SLC2A1: variants seen among roughly 807,000 people sequenced by gnomAD.
SLC2A1 encodes solute carrier family 2 member 1.
A neutral mutation model predicts 46.6 loss-of-function variants in SLC2A1; 4 were observed. That is an observed-to-expected ratio of 0.09 (90% CI 0.04 to 0.20). The LOEUF is 0.20. Ranked by LOEUF, SLC2A1 falls within the 10% of genes least tolerant of loss-of-function variation. The pLI, the probability that SLC2A1 is intolerant of heterozygous loss-of-function variation, is 1.00. For missense variants in SLC2A1, 352 were observed against 667.0 expected, an observed-to-expected ratio of 0.53 and a Z score of 5.20; for synonymous variants, 253 against 270.0, an observed-to-expected ratio of 0.94 and a Z score of 0.62.
Position 42,929,661 on chromosome 1 carries a change from C to A in SLC2A1, c.799G>T (p.Ala267Ser), listed in dbSNP as rs199639208. 1 of 1,613,508 alleles carries A rather than the reference C, an allele frequency of 6.2e-7. No individual in the cohort carries two copies. The highest frequency in any genetic ancestry group is 1.7e-5 in the Admixed American group (1 of 60,008). ...GCGATGAGGATGGGCTGGCGGTAGG[C>A]GGGGGAGCGGAACAGCTCCAGGATG... Reference protein sequence around the residue: ...VTILELFRSPAYRQPILIAVV... With the variant: ...VTILELFRSPSYRQPILIAVV... Residue 267 changes from alanine (A) to serine (S), a missense_variant, in exon 6 of 10, where the codon GCC (alanine) becomes TCC (serine). Physicochemically the swap from Ala to Ser is moderately conservative, Grantham distance 99. Coordinates refer to ENST00000426263, the MANE Select transcript of SLC2A1 (RefSeq NM_006516.4). The surrounding 1 kb of genome is among the most constrained non-coding windows in gnomAD (Gnocchi z 6.0).
intron 2 of SLC2A1, among the ~76,000 whole-genome samples, chr1:42,940,055 C>CACTTCCTT (rs112945193): frequency 0.25 from 37,868 of 151,376 alleles, 5,116 homozygotes; most frequent in African/African-American, 0.35. Context: ...CCTCCGCCCT[C>CACTTCCTT]ACTTCCTTAT....
In SLC2A1 at chr1:42,958,766, C is replaced by CT. The variant is rs1355986319; in HGVS notation, c.-116dup. The CT allele has an allele frequency of 2.7e-6, 3 of 1,105,318 alleles. No homozygotes were observed. Among genetic ancestry groups the CT allele is most frequent in the Admixed American group, 4.3e-5 (2 of 46,510 alleles). 68.5% of individuals were successfully genotyped at this position (1,105,318 alleles called of 1,614,324 possible). A position where few individuals can be genotyped will look rare whatever the true frequency, so the allele number is the denominator to read the frequency against. On this transcript the variant is annotated 5_prime_UTR_variant, in exon 1 of 10. Transcript: ENST00000426263. ...CGGTCCGGGGACTCCCACTGCGACTCTGACTCCGACCCCCGTCGTTTGGTC... is the reference window on the plus strand; with the variant it reads ...CGGTCCGGGGACTCCCACTGCGACTCTTGACTCCGACCCCCGTCGTTTGGTC...
chr1:42,950,487 G>A (rs79608798), intron 1 of SLC2A1, among the ~76,000 whole-genome samples: 4,060 of 152,346 alleles, frequency 0.027, 97 homozygotes, highest in East Asian at 0.078. Context: ...CCTTGGCCAT[G>A]TGTGGGTGTG....
intron 1 of SLC2A1, among the ~76,000 whole-genome samples, chr1:42,957,948 G>C (rs1044884835): frequency 1.3e-5 from 2 of 152,178 alleles, no homozygotes. Context: ...AAGCTTTGGG[G>C]CCTGCACTCC....
At position 42,954,374 on chromosome 1, in the gene SLC2A1, A is replaced by G. The variant is rs1003395363; in HGVS notation, c.18+4260T>C. Among the ~76,000 whole-genome samples the G allele has an allele frequency of 6.6e-6, 1 of 152,072 alleles. No individual in the cohort carries two copies. ...TCTCTACTAAAAAAAAATACAAAAA[A>G]ATTAGCCGGGCATGGTGGCACATGC... is the stretch of plus-strand genomic sequence containing the variant. On this transcript the variant is annotated intron_variant, in intron 1 of 9. Coordinates refer to ENST00000426263, the MANE Select transcript of SLC2A1 (RefSeq NM_006516.4). This position sits in a 1 kb window ranked among gnomAD's most constrained non-coding sequence, Gnocchi z 4.2.
chr1:42,951,356 G>A (rs1216005359), intron 1 of SLC2A1, among the ~76,000 whole-genome samples: 4 of 145,262 alleles, frequency 2.8e-5, no homozygotes, highest in Middle Eastern at 3.4e-3. Flanking sequence ...GATTGTTCAG[G>A]GGGGAAAAAA....
intron 2 of SLC2A1, among the ~76,000 whole-genome samples, chr1:42,932,200 G>A (rs911572655): frequency 6.6e-5 from 10 of 152,126 alleles, no homozygotes; most frequent in Admixed American, 3.9e-4. Context: ...TATGGGGAAA[G>A]GTTCCACACA....
At chr1:42,935,213 A>G (rs1029812522) in intron 2 of SLC2A1, among the ~76,000 whole-genome samples, 2 of 152,156 alleles carry the variant, frequency 1.3e-5, no homozygotes, top group Non-Finnish European at 2.9e-5. Flanking sequence ...GACACCCACC[A>G]TGGAGACCAC....
chr1:42,929,049 G>C lies in SLC2A1; in HGVS notation c.973-16C>G, dbSNP rs748705634. ...CCACAAACAGCTGTGGGCAGAGACAGTGTCAGTGCCACCCCTGCCTAGTGC... is the reference window on the plus strand; with the variant it reads ...CCACAAACAGCTGTGGGCAGAGACACTGTCAGTGCCACCCCTGCCTAGTGC... On this transcript the variant is annotated splice_polypyrimidine_tract_variant and intron_variant, in intron 7 of 9. Coordinates refer to ENST00000426263, the MANE Select transcript of SLC2A1 (RefSeq NM_006516.4). The surrounding 1 kb of genome is among the most constrained non-coding windows in gnomAD (Gnocchi z 6.0). The C allele has an allele frequency of 3.7e-6, 6 of 1,609,606 alleles. No homozygotes were observed. Among genetic ancestry groups the C allele is most frequent in the Non-Finnish European group, 4.2e-6 (5 of 1,176,958 alleles).
Position 42,947,588 on chromosome 1 carries a change from A to C in SLC2A1, c.19-4267T>G, listed in dbSNP as rs1201337526. On this transcript the variant is annotated intron_variant, in intron 1 of 9. Coordinates refer to ENST00000426263, the MANE Select transcript of SLC2A1 (RefSeq NM_006516.4). Reference sequence around the variant, plus strand: ...ATTACACACACACACACACAAAAAAAAAAAAAAAAAAAAAAAAACAGCTGG... The same window carrying C: ...ATTACACACACACACACACAAAAAACAAAAAAAAAAAAAAAAAACAGCTGG... Among the ~76,000 whole-genome samples the C allele has an allele frequency of 2.5e-4, 31 of 124,526 alleles. 1 individual carries two copies. The highest frequency in any genetic ancestry group is 1.4e-3 in the South Asian group (5 of 3,538). 81.7% of individuals were successfully genotyped at this position (124,526 alleles called of 152,430 possible).
intron 2 of SLC2A1, 49 bp downstream of exon 2, chr1:42,943,177 G>A: frequency 1.6e-6 from 2 of 1,227,012 alleles, no homozygotes; most frequent in Non-Finnish European, 1.2e-6. Context: ...TGTGTGATGT[G>A]CAACAGAGCA....
chr1:42,935,140 C>T lies in SLC2A1; in HGVS notation c.115-3934G>A, dbSNP rs944743843. The stretch of plus-strand genomic sequence containing the variant: ...GTTCCTGGGGGGACTGCCATGGTGT[C>T]GGCCAGCCTAGAGCTGAGGGGCTAC... On this transcript the variant is annotated intron_variant, in intron 2 of 9. Coordinates refer to ENST00000426263, the MANE Select transcript of SLC2A1 (RefSeq NM_006516.4). Among the ~76,000 whole-genome samples, 3 of 152,150 alleles carry T rather than the reference C, an allele frequency of 2.0e-5. No homozygotes were observed. In the South Asian group the frequency reaches 6.2e-4, roughly 32 times the overall value.
chr1:42,930,084 A>C lies in SLC2A1; in HGVS notation c.517-49T>G, dbSNP rs1570593029. On this transcript the variant is annotated intron_variant, in intron 4 of 9. Transcript: ENST00000426263. The surrounding 1 kb of genome is among the most constrained non-coding windows in gnomAD (Gnocchi z 6.2). ...CGCCTCTGCCCTGACCCCCTTTCCC[A>C]CCCCGTCCTGCCAGAGTGGCCTTCC... 6.2e-7 allele frequency: 1 copy of C among 1,605,370 alleles called. No individual in the cohort carries two copies.
chr1:42,929,991 G>A lies in SLC2A1; in HGVS notation c.561C>T (p.Pro187=). The change falls in exon 5 of 10, where the codon CCC becomes CCT. Residue 187 remains proline (P), a synonymous_variant. Transcript: ENST00000426263. This position sits in a 1 kb window ranked among gnomAD's most constrained non-coding sequence, Gnocchi z 6.0. ...DSIMGNKDLW[P]LLLSIIFIPA... ...GGATGAAGATGATGCTCAGCAGCAG[G>A]GGCCACAGGTCCTTGTTGCCCATGA... 1.9e-6 allele frequency: 3 copies of A among 1,614,152 alleles called. No individual in the cohort carries two copies. The highest frequency in any genetic ancestry group is 1.1e-5 in the South Asian group (1 of 91,088).
chr1:42,936,813 T>A (rs549650921), intron 2 of SLC2A1, among the ~76,000 whole-genome samples: 1 of 152,254 alleles, frequency 6.6e-6, no homozygotes, highest in Admixed American at 6.5e-5. Context: ...CTCACACCTT[T>A]GCTTGGGCCT....
In SLC2A1 at chr1:42,954,607, T is replaced by C. The variant is rs1643755426; in HGVS notation, c.18+4027A>G. Among the ~76,000 whole-genome samples, 1 of 152,176 alleles carries C rather than the reference T, an allele frequency of 6.6e-6. No individual in the cohort carries two copies. On this transcript the variant is annotated intron_variant, in intron 1 of 9. Transcript: ENST00000426263. The surrounding 1 kb of genome is among the most constrained non-coding windows in gnomAD (Gnocchi z 4.2). Reference sequence around the variant, plus strand: ...TATCTCGGACAAATCTCTTCCCTTCTCTGGACTCAATTTCCCCATTTGTCA... The same window carrying C: ...TATCTCGGACAAATCTCTTCCCTTCCCTGGACTCAATTTCCCCATTTGTCA...
chr1:42,954,035 G>A lies in SLC2A1; in HGVS notation c.18+4599C>T, dbSNP rs1214302963. 6.6e-6 allele frequency among the ~76,000 whole-genome samples: 1 copy of A among 152,164 alleles called. No homozygotes were observed. Among genetic ancestry groups the A allele is most frequent in the Non-Finnish European group, 1.5e-5 (1 of 68,038 alleles). ...CTCCAAGGAAAGCCACTTCTTCAAG[G>A]TCAGAGTTTAGTGGGAACATCTAGT... On this transcript the variant is annotated intron_variant, in intron 1 of 9. Coordinates refer to ENST00000426263, the MANE Select transcript of SLC2A1 (RefSeq NM_006516.4). This position sits in a 1 kb window ranked among gnomAD's most constrained non-coding sequence, Gnocchi z 4.2.
chr1:42,925,823 C>T lies in SLC2A1; in HGVS notation c.*1218G>A, dbSNP rs1407245315. On this transcript the variant is annotated 3_prime_UTR_variant, in exon 10 of 10. Transcript: ENST00000426263. ...CTTCAGGCACATAACCTCTTTGAGC[C>T]TGTCCAATAAAGGTACAGTATTTAC... is the stretch of plus-strand genomic sequence containing the variant. The T allele has an allele frequency of 6.6e-6, 1 of 152,194 alleles. No homozygotes were observed. Among genetic ancestry groups the T allele is most frequent in the African/African-American group, 2.4e-5 (1 of 41,432 alleles). 9.4% of individuals were successfully genotyped at this position (152,194 alleles called of 1,614,324 possible).
chr1:42,939,640 ACAT>A, intron 2 of SLC2A1, among the ~76,000 whole-genome samples: 1 of 152,294 alleles, frequency 6.6e-6, no homozygotes, highest in African/African-American at 2.4e-5. Context: ...AGATTTGTCT[ACAT>A]CTTCAGAAGT....
Sources: allele counts gnomAD v4.1 joint callset (sites outside exome capture counted in the v4.1 genomes callset), GRCh38; gene constraint gnomAD v4.1.1; non-coding constraint Gnocchi (gnomAD v3.1); transcripts MANE v1.5; gene names NCBI Gene and HGNC (gene_info 2026-07-23, HGNC 2026-07-21).